Variants in SRPRA observed in about 807,000 individuals in gnomAD.
SRPRA encodes signal recognition particle receptor subunit alpha.
SRPRA carries 30 observed loss-of-function variants against 61.1 expected under a neutral mutation model. The ratio of observed to expected loss-of-function variants is 0.49; its 90% CI spans 0.37 to 0.67. The LOEUF (loss-of-function observed/expected upper bound fraction) is 0.67. Ranked by LOEUF, SRPRA falls within the 30% of genes least tolerant of loss-of-function variation. SRPRA has a pLI of 0.00. For missense variants in SRPRA, 759 were observed against 828.4 expected (o/e 0.92, Z 1.03); for synonymous variants, 324 against 299.7 (o/e 1.08, Z -0.84).
rs199979024 is a variant in SRPRA at position 126,268,818 on chromosome 11, G to C, written c.-14C>G. The C allele has an allele frequency of 2.1e-4, 344 of 1,606,036 alleles. 2 individuals are homozygous for C. In the Admixed American group the frequency reaches 4.6e-3, roughly 21 times the overall value. ...GAAGTCGAGCATGGCGGCAGCGGCA[G>C]AGGAGCTGGGGCCGGCGCCGGGAAT... On this transcript the variant is annotated 5_prime_UTR_variant, in exon 1 of 14. Coordinates refer to ENST00000332118, the MANE Select transcript of SRPRA (RefSeq NM_003139.4).
downstream of SRPRA, chr11:126,261,350 C>T: frequency 4.1e-6 from 5 of 1,214,428 alleles, no homozygotes; most frequent in Non-Finnish European, 6.1e-6. Context: ...GTCCTCATCT[C>T]CCTTTAGTTT....
the SRPRA span, among the ~76,000 whole-genome samples, chr11:126,243,428 C>T: frequency 6.6e-6 from 1 of 150,830 alleles, no homozygotes; most frequent in Non-Finnish European, 1.5e-5. Flanking sequence ...CGTGCTACTG[C>T]ACTGCAGTCT....
In SRPRA at chr11:126,263,555, A is replaced by G; in HGVS notation, c.*361T>C. On this transcript the variant is annotated 3_prime_UTR_variant, in exon 14 of 14. Coordinates refer to ENST00000332118, the MANE Select transcript of SRPRA (RefSeq NM_003139.4). ...TCTTAACCTAATGCAGCTGGGACTC[A>G]TTAGGCTCAGACGGCTCTTGACCAC... The G allele has an allele frequency of 5.0e-6, 1 of 201,204 alleles. No individual in the cohort carries two copies. The highest frequency in any genetic ancestry group is 5.3e-5 in the Admixed American group (1 of 18,784). The allele number at this position is 201,204 out of a possible 1,614,324, so 12.5% of individuals were successfully genotyped here. A position where few individuals can be genotyped will look rare whatever the true frequency, so the allele number is the denominator to read the frequency against.
At chr11:126,250,092 AT>A in the SRPRA span, among the ~76,000 whole-genome samples, 75,267 of 131,528 alleles carry the variant, frequency 0.57, 21,141 homozygotes, top group East Asian at 0.84. This position sits in a 1 kb window ranked among gnomAD's most constrained non-coding sequence, Gnocchi z 5.1. Context: ...TATCCCCGGG[AT>A]TTTTTTTTTT....
intron 1 of SRPRA, 32 bp from the exon 2 acceptor site, chr11:126,268,118 T>C: frequency 6.2e-7 from 1 of 1,605,192 alleles, no homozygotes; most frequent in South Asian, 1.1e-5. Flanking sequence ...GTGTTCAGAC[T>C]ATCCCCAGAA....
chr11:126,240,777 G>T, the SRPRA span: 1 of 1,594,122 alleles, frequency 6.3e-7, no homozygotes, highest in Non-Finnish European at 8.5e-7. Context: ...CCTCTCATTT[G>T]TTTTGCTTTT....
the SRPRA span, among the ~76,000 whole-genome samples, chr11:126,257,295 TCAAAA>T: frequency 6.6e-6 from 1 of 152,150 alleles, no homozygotes; most frequent in Non-Finnish European, 1.5e-5. Context: ...AGAAATCCCA[TCAAAA>T]CAATTTATCC....
chr11:126,262,106 C>T, downstream of SRPRA: 1 of 1,614,026 alleles, frequency 6.2e-7, no homozygotes, highest in African/African-American at 1.3e-5. Context: ...GTTCTCTTTT[C>T]TTTCTCCCTA....
the SRPRA span, among the ~76,000 whole-genome samples, chr11:126,252,417 T>TGACA: frequency 1.3e-5 from 2 of 152,312 alleles, no homozygotes; most frequent in South Asian, 4.1e-4. This position sits in a 1 kb window ranked among gnomAD's most constrained non-coding sequence, Gnocchi z 4.7. Context: ...GTCTCAAATA[T>TGACA]GACAGTTAGG....
chr11:126,263,584 A>C lies in SRPRA; in HGVS notation c.*332T>G. 4.0e-6 allele frequency: 1 copy of C among 247,946 alleles called. No individual in the cohort carries two copies. Among genetic ancestry groups the C allele is most frequent in the Non-Finnish European group, 8.0e-6 (1 of 125,514 alleles). The allele number at this position is 247,946 out of a possible 1,614,324, so 15.4% of individuals were successfully genotyped here. A position where few individuals can be genotyped will look rare whatever the true frequency, so the allele number is the denominator to read the frequency against. ...GGCTCAGACGGCTCTTGACCACACTAATTATTAGCAAAGCTCTGGTGTTGG... is the reference window on the plus strand; with the variant it reads ...GGCTCAGACGGCTCTTGACCACACTCATTATTAGCAAAGCTCTGGTGTTGG... On this transcript the variant is annotated 3_prime_UTR_variant, in exon 14 of 14. Coordinates refer to ENST00000332118, the MANE Select transcript of SRPRA (RefSeq NM_003139.4).
In SRPRA at chr11:126,266,497, G is replaced by A; in HGVS notation, c.819C>T (p.Ala273=). 6.2e-7 allele frequency: 1 copy of A among 1,614,048 alleles called. No homozygotes were observed. Among genetic ancestry groups the A allele is most frequent in the Non-Finnish European group, 8.5e-7 (1 of 1,179,948 alleles). The change falls in exon 6 of 14, where the codon GCC becomes GCT. Residue 273 remains alanine, a synonymous_variant. Coordinates refer to ENST00000332118, the MANE Select transcript of SRPRA (RefSeq NM_003139.4). ...TPTTNGTPEA[A]LSEDINLIRG... Reference sequence around the variant, plus strand: ...TTACCAGGTTGATGTCCTCAGACAAGGCAGCCTCAGGGGTTCCATTGGTGG... The same window carrying A: ...TTACCAGGTTGATGTCCTCAGACAAAGCAGCCTCAGGGGTTCCATTGGTGG...
chr11:126,263,756 G>C lies in SRPRA; in HGVS notation c.*160C>G. ...TAGGCCTTCCTTGCAGATGGCGGCT[G>C]TGCTGAACGGGGAGTGGGGTTGGAA... On this transcript the variant is annotated 3_prime_UTR_variant, in exon 14 of 14. Coordinates refer to ENST00000332118, the MANE Select transcript of SRPRA (RefSeq NM_003139.4). The C allele has an allele frequency of 9.9e-7, 1 of 1,007,650 alleles. No individual in the cohort carries two copies. Among genetic ancestry groups the C allele is most frequent in the Non-Finnish European group, 1.5e-6 (1 of 686,326 alleles). The allele number at this position is 1,007,650 out of a possible 1,614,324, so 62.4% of individuals were successfully genotyped here. A position where few individuals can be genotyped will look rare whatever the true frequency, so the allele number is the denominator to read the frequency against.
At chr11:126,242,937 A>T in the SRPRA span, among the ~76,000 whole-genome samples, 15 of 152,230 alleles carry the variant, frequency 9.9e-5, no homozygotes, top group Non-Finnish European at 1.9e-4. Context: ...AACGTTATTC[A>T]TAATAGCCAA....
Position 126,268,089 on chromosome 11 carries a change from G to A in SRPRA, c.118-3C>T, listed in dbSNP as rs1165583826. On this transcript the variant is annotated splice_region_variant and splice_polypyrimidine_tract_variant and intron_variant, in intron 1 of 13. Transcript: ENST00000332118. ...AAGGAGTTGTTACCTCCCCGTTCCT[G>A]GAGAAAGAGTATGTCTCAGTGTTCA... 6.2e-7 allele frequency: 1 copy of A among 1,613,682 alleles called. No homozygotes were observed. Among genetic ancestry groups the A allele is most frequent in the Non-Finnish European group, 8.5e-7 (1 of 1,179,802 alleles).
chr11:126,255,661 A>T, the SRPRA span, among the ~76,000 whole-genome samples: 1 of 152,138 alleles, frequency 6.6e-6, no homozygotes. This position sits in a 1 kb window ranked among gnomAD's most constrained non-coding sequence, Gnocchi z 4.6. Flanking sequence ...TTGCACAATG[A>T]CCTCTGGGCA....
chr11:126,244,833 T>C, the SRPRA span, among the ~76,000 whole-genome samples: 3 of 152,026 alleles, frequency 2.0e-5, no homozygotes, highest in African/African-American at 7.3e-5. The surrounding 1 kb of genome is among the most constrained non-coding windows in gnomAD (Gnocchi z 4.5). Context: ...GGAGAACTTA[T>C]GCTTTGAAAA....
chr11:126,250,724 T>C, the SRPRA span: 6 of 1,611,234 alleles, frequency 3.7e-6, no homozygotes, highest in South Asian at 5.5e-5. This position sits in a 1 kb window ranked among gnomAD's most constrained non-coding sequence, Gnocchi z 5.1. Context: ...ACCTTACTGA[T>C]GAGAAAAAGG....
chr11:126,236,846 G>A, the SRPRA span, among the ~76,000 whole-genome samples: 29 of 139,316 alleles, frequency 2.1e-4, 1 homozygote, highest in Admixed American at 1.6e-3. Context: ...TTTCTGTTGC[G>A]TTATTTTTGA....
the SRPRA span, chr11:126,254,496 C>T: frequency 3.1e-4 from 492 of 1,593,790 alleles, no homozygotes; most frequent in Middle Eastern, 1.2e-3. Flanking sequence ...CTAAATATGC[C>T]ATAGATCTTA....
Sources: allele counts gnomAD v4.1 joint callset (sites outside exome capture counted in the v4.1 genomes callset), GRCh38; gene constraint gnomAD v4.1.1; non-coding constraint Gnocchi (gnomAD v3.1); transcripts MANE v1.5; gene names NCBI Gene and HGNC (gene_info 2026-07-23, HGNC 2026-07-21).